Variants in COX10 observed in about 807,000 individuals in gnomAD.
COX10 encodes protoheme IX farnesyltransferase, mitochondrial.
COX10 carries 27 observed loss-of-function variants against 37.3 expected under a neutral mutation model. The observed-to-expected ratio is 0.72, with a 90% CI of 0.53 to 1.00. The LOEUF is 1.00. Ranked by LOEUF, COX10 falls within the 50% of genes least tolerant of loss-of-function variation. The probability of loss-of-function intolerance (pLI) is 0.00; values close to 1 mark genes in which losing one functional copy is unlikely to be tolerated. For missense variants in COX10, 475 were observed against 563.2 expected (o/e 0.84, Z 1.59); for synonymous variants, 222 against 229.1 (o/e 0.97, Z 0.28).
chr17:14,197,508 G>A (rs1360683183), intron 6 of COX10, among the ~76,000 whole-genome samples: 1 of 152,208 alleles, frequency 6.6e-6, no homozygotes, highest in Non-Finnish European at 1.5e-5. Context: ...TAGATGCCCG[G>A]TGAGAGGTGT....
chr17:14,188,674 A>G (rs1320913433), intron 5 of COX10, among the ~76,000 whole-genome samples: 1 of 152,174 alleles, frequency 6.6e-6, no homozygotes, highest in African/African-American at 2.4e-5. Flanking sequence ...TAGGAAACAA[A>G]AAGAAGGCAG....
Position 14,205,578 on chromosome 17 carries a change from CG to C in COX10, c.929-1228del, listed in dbSNP as rs550908469. Among the ~76,000 whole-genome samples, 74 of 152,048 alleles carry C rather than the reference CG, an allele frequency of 4.9e-4. 1 individual carries two copies. The Middle Eastern group carries it at 0.014, about 28-fold the overall frequency. ...CGGTGCTTACCCCATAGTAGGCGCC[CG>C]GGGAGCATTTTTTGCGCGAGTACTC... On this transcript the variant is annotated intron_variant, in intron 6 of 6. Transcript: ENST00000261643.
At chr17:14,167,734 G>C (rs1009826998) in intron 5 of COX10, among the ~76,000 whole-genome samples, 1 of 152,176 alleles carries the variant, frequency 6.6e-6, no homozygotes, top group African/African-American at 2.4e-5. Context: ...TAAACCATCA[G>C]ATCTTGTGAG....
chr17:14,069,914 G>C (rs1396943903), intron 1 of COX10, among the ~76,000 whole-genome samples: 1 of 152,084 alleles, frequency 6.6e-6, no homozygotes, highest in Non-Finnish European at 1.5e-5. Flanking sequence ...GCTTCTTTAG[G>C]TTTTCAGATA....
Position 14,208,507 on chromosome 17 carries a change from A to G in COX10, c.*1294A>G, listed in dbSNP as rs889549673. 1 of 152,248 alleles carries G rather than the reference A, an allele frequency of 6.6e-6. No homozygotes were observed. Among genetic ancestry groups the G allele is most frequent in the African/African-American group, 2.4e-5 (1 of 41,468 alleles). The allele number at this position is 152,248 out of a possible 1,614,324, so 9.4% of individuals were successfully genotyped here. A position where few individuals can be genotyped will look rare whatever the true frequency, so the allele number is the denominator to read the frequency against. Reference sequence around the variant, plus strand: ...AGGGATTGTAGGTAGATAACATCCAATCACTGTTTGCACTTATCTGAAATC... The same window carrying G: ...AGGGATTGTAGGTAGATAACATCCAGTCACTGTTTGCACTTATCTGAAATC... On this transcript the variant is annotated 3_prime_UTR_variant, in exon 7 of 7. Coordinates refer to ENST00000261643, the MANE Select transcript of COX10 (RefSeq NM_001303.4).
At chr17:14,198,354 C>G (rs550358468) in intron 6 of COX10, among the ~76,000 whole-genome samples, 35 of 152,310 alleles carry the variant, frequency 2.3e-4, no homozygotes, top group African/African-American at 7.7e-4. Context: ...ATCTGCTCCC[C>G]CTCCTTCTTG....
intron 3 of COX10, among the ~76,000 whole-genome samples, chr17:14,101,105 G>A (rs1317199527): frequency 1.3e-5 from 2 of 152,188 alleles, no homozygotes; most frequent in Non-Finnish European, 2.9e-5. Flanking sequence ...ACATAGTGTA[G>A]AGATAGAACA....
chr17:14,141,529 CAAAAAAAAA>C lies in COX10; in HGVS notation c.625-18331_625-18323del, dbSNP rs71147842. On this transcript the variant is annotated intron_variant, in intron 4 of 6. Transcript: ENST00000261643. ...TCAGTGTCAGAGCCAGTCCCTGTCT[CAAAAAAAAA>C]AAAAAAAAAAAAAAAAGAAGACTAC... 2.2e-4 allele frequency among the ~76,000 whole-genome samples: 15 copies of C among 67,512 alleles called. No homozygotes were observed. In the South Asian group the frequency reaches 9.8e-3, roughly 44 times the overall value. The allele number at this position is 67,512 out of a possible 152,430, so 44.3% of individuals were successfully genotyped here.
At chr17:14,123,892 A>G (rs1425852064) in intron 4 of COX10, among the ~76,000 whole-genome samples, 18 of 152,156 alleles carry the variant, frequency 1.2e-4, no homozygotes, top group Non-Finnish European at 2.9e-5. Flanking sequence ...GTCAAACCAT[A>G]TGATGTTGAG....
At chr17:14,196,495 A>G (rs1475305341) in intron 6 of COX10, among the ~76,000 whole-genome samples, 4 of 152,168 alleles carry the variant, frequency 2.6e-5, no homozygotes, top group Non-Finnish European at 5.9e-5. Context: ...CCTGAAAGCC[A>G]GTCTAGAGTG....
chr17:14,099,888 A>C (rs1915738517), intron 3 of COX10, among the ~76,000 whole-genome samples: 1 of 151,882 alleles, frequency 6.6e-6, no homozygotes, highest in African/African-American at 2.4e-5. Context: ...AGCTAGCTTC[A>C]TCACCTCTTT....
intron 5 of COX10, among the ~76,000 whole-genome samples, chr17:14,166,856 G>A (rs1352721992): frequency 2.8e-5 from 4 of 140,756 alleles, no homozygotes; most frequent in South Asian, 2.2e-4. Context: ...GGCTGGTCTC[G>A]AACTCCTGAC....
intron 3 of COX10, among the ~76,000 whole-genome samples, chr17:14,100,311 C>A (rs1368462626): frequency 6.6e-6 from 1 of 152,202 alleles, no homozygotes; most frequent in Non-Finnish European, 1.5e-5. Flanking sequence ...ATGCCTAGCT[C>A]AGTGATAGCC....
chr17:14,143,668 A>G (rs938045993), intron 4 of COX10, among the ~76,000 whole-genome samples: 1 of 152,184 alleles, frequency 6.6e-6, no homozygotes, highest in Non-Finnish European at 1.5e-5. Context: ...ATCTTAGAGG[A>G]AACGTGTAAA....
At chr17:14,147,124 G>A (rs776708195) in intron 4 of COX10, among the ~76,000 whole-genome samples, 72 of 152,266 alleles carry the variant, frequency 4.7e-4, no homozygotes, top group Middle Eastern at 3.4e-3. Context: ...GCTGCCATAT[G>A]ATCCAGCACT....
chr17:14,092,499 G>C (rs1597497266), intron 3 of COX10, among the ~76,000 whole-genome samples: 1 of 152,058 alleles, frequency 6.6e-6, no homozygotes, highest in African/African-American at 2.4e-5. Context: ...ACCAGAAGTG[G>C]TTATAGTTTG....
In COX10 at chr17:14,192,018, G is replaced by C. The variant is rs1462141797; in HGVS notation, c.725G>C (p.Cys242Ser). 7.4e-6 allele frequency: 12 copies of C among 1,614,158 alleles called. No homozygotes were observed. Among genetic ancestry groups the C allele is most frequent in the African/African-American group, 1.3e-5 (1 of 75,056 alleles). Residue 242 changes from cysteine to serine, a missense_variant, in exon 6 of 7, where the codon TGT (cysteine) becomes TCT (serine). Transcript: ENST00000261643. ...SPLLAVSFAT[C>S]CAVPGVAILT... ...TTGCTAGCTGTGTCCTTTGCCACTT[G>C]TTGTGCTGTTCCGGGAGTTGCCATT... is the stretch of plus-strand genomic sequence containing the variant.
chr17:14,120,022 T>C (rs1423567060), intron 4 of COX10, among the ~76,000 whole-genome samples: 2 of 152,150 alleles, frequency 1.3e-5, no homozygotes, highest in African/African-American at 4.8e-5. Context: ...ATTTAAAAGA[T>C]ATTTAAGAGA....
rs1567583875 is a variant in COX10 at position 14,069,644 on chromosome 17, G to A, written c.39G>A (p.Leu13=). ...ASPHTLSSRL[L]TGCVGGSVWY... ...CGCACACTCTCTCCTCACGCCTCCT[G>A]ACAGGTACTGTACCCGCCTTGGGCA... The change falls in exon 1 of 7, where the codon CTG becomes CTA. Residue 13 remains leucine (L), a synonymous_variant. Transcript: ENST00000261643. The A allele has an allele frequency of 6.2e-7, 1 of 1,614,074 alleles. No individual in the cohort carries two copies. Among genetic ancestry groups the A allele is most frequent in the Non-Finnish European group, 8.5e-7 (1 of 1,179,976 alleles).
Sources: allele counts gnomAD v4.1 joint callset (sites outside exome capture counted in the v4.1 genomes callset), GRCh38; gene constraint gnomAD v4.1.1; transcripts MANE v1.5; gene names NCBI Gene and HGNC (gene_info 2026-07-23, HGNC 2026-07-21).